The following CRYL1 variants were observed in gnomAD, a reference collection of about 807,000 sequenced individuals.
CRYL1 encodes crystallin lambda 1.
Under a neutral mutation model 36.6 loss-of-function variants are expected in CRYL1, and 29 were observed. The ratio of observed to expected loss-of-function variants is 0.79; its 90% confidence interval spans 0.59 to 1.08. The LOEUF (loss-of-function observed/expected upper bound fraction) is 1.08, where lower values mean the gene tolerates loss of function less well. Ranked by LOEUF, CRYL1 falls within the 50% of genes least tolerant of loss-of-function variation. The pLI is 0.00. For synonymous variants in CRYL1, 152 were observed against 151.5 expected (o/e 1.00, Z -0.02); for missense variants, 411 against 407.9 (o/e 1.01, Z -0.06).
chr13:20,498,072 C>T (rs1275235008), intron 2 of CRYL1, among the ~76,000 whole-genome samples: 1 of 151,332 alleles, frequency 6.6e-6, no homozygotes, highest in Non-Finnish European at 1.5e-5. Context: ...ATACACACTA[C>T]ACACACACCA....
At chr13:20,451,613 A>G (rs1019066145) in intron 3 of CRYL1, among the ~76,000 whole-genome samples, 4 of 152,244 alleles carry the variant, frequency 2.6e-5, no homozygotes, top group Admixed American at 6.5e-5. Flanking sequence ...CAAAGTGGCT[A>G]TTACTAAAGT....
Position 20,404,668 on chromosome 13 carries a change from C to G in CRYL1, c.813G>C (p.Glu271Asp), listed in dbSNP as rs759134464. The change falls in exon 7 of 8, where the codon GAG becomes GAC. Residue 271 changes from glutamate to aspartate, a missense_variant. Transcript: ENST00000298248. ...CCTTCTCAGCAGTGGCCCTGGAAAA[C>G]TCTGGAATGGGTCCAAAAGTCTGTA... Reference protein sequence around the residue: ...HVLQTFGPIPEFSRATAEKVN... With the variant: ...HVLQTFGPIPDFSRATAEKVN... The G allele has an allele frequency of 6.2e-7, 1 of 1,613,970 alleles. No homozygotes were observed. Among genetic ancestry groups the G allele is most frequent in the African/African-American group, 1.3e-5 (1 of 75,046 alleles).
intron 3 of CRYL1, among the ~76,000 whole-genome samples, chr13:20,467,242 C>T (rs1342203263): frequency 6.6e-6 from 1 of 152,056 alleles, no homozygotes; most frequent in Non-Finnish European, 1.5e-5. Context: ...CCACCACCCC[C>T]GGCCCATACA....
intron 2 of CRYL1, among the ~76,000 whole-genome samples, chr13:20,500,418 A>G (rs534160686): frequency 1.6e-3 from 48 of 30,958 alleles, no homozygotes; most frequent in African/African-American, 1.8e-3. Flanking sequence ...AATGGGACAC[A>G]GTTGAAGGAA....
intron 5 of CRYL1, among the ~76,000 whole-genome samples, chr13:20,417,463 C>T (rs2031699518): frequency 6.6e-6 from 1 of 152,136 alleles, no homozygotes; most frequent in Non-Finnish European, 1.5e-5. Context: ...GTTCTGTTAA[C>T]ATTGATCAGT....
At chr13:20,418,143 G>C (rs1375979884) in intron 5 of CRYL1, among the ~76,000 whole-genome samples, 4 of 152,142 alleles carry the variant, frequency 2.6e-5, no homozygotes, top group African/African-American at 9.7e-5. Context: ...AGCCCACCCA[G>C]ACTATGGAGA....
chr13:20,489,966 C>T (rs1163190472), intron 2 of CRYL1, among the ~76,000 whole-genome samples: 1 of 152,108 alleles, frequency 6.6e-6, no homozygotes, highest in Non-Finnish European at 1.5e-5. Flanking sequence ...CAGCAGTAAA[C>T]AGGAAGAAAA....
intron 2 of CRYL1, among the ~76,000 whole-genome samples, chr13:20,492,694 T>C (rs149907242): frequency 1.7e-4 from 26 of 152,326 alleles, no homozygotes; most frequent in African/African-American, 6.3e-4. Flanking sequence ...TTGCCATTCT[T>C]AATTCAATTA....
At chr13:20,524,646 G>C (rs1423722415) in intron 1 of CRYL1, among the ~76,000 whole-genome samples, 1 of 151,904 alleles carries the variant, frequency 6.6e-6, no homozygotes, top group African/African-American at 2.4e-5. Context: ...CAACGTGCTG[G>C]GATTACAGGG....
chr13:20,463,461 C>T (rs762683722), intron 3 of CRYL1, among the ~76,000 whole-genome samples: 11 of 152,166 alleles, frequency 7.2e-5, no homozygotes, highest in Non-Finnish European at 1.3e-4. Context: ...GGAAGCCAAC[C>T]AGCATAACAG....
intron 2 of CRYL1, among the ~76,000 whole-genome samples, chr13:20,503,383 G>A (rs751679383): frequency 2.0e-5 from 3 of 152,192 alleles, no homozygotes; most frequent in African/African-American, 4.8e-5. Context: ...TGGGTTGTCT[G>A]GGGGCTGGTC....
chr13:20,515,279 TG>T (rs2033981232), intron 1 of CRYL1, among the ~76,000 whole-genome samples: 1 of 152,154 alleles, frequency 6.6e-6, no homozygotes, highest in African/African-American at 2.4e-5. Context: ...CACAACCTTG[TG>T]AATATACTAA....
chr13:20,451,148 A>G (rs1056550818), intron 3 of CRYL1, among the ~76,000 whole-genome samples: 1 of 152,116 alleles, frequency 6.6e-6, no homozygotes, highest in Non-Finnish European at 1.5e-5. Flanking sequence ...AACATGGCAC[A>G]TGTATACATA....
Position 20,481,605 on chromosome 13 carries a change from G to C in CRYL1, c.276+7765C>G, listed in dbSNP as rs1246484872. ...ATATCTTTGTAAACCTGATTTTACAGTTTTTAAAGAAAAAAACACGTATGG... is the reference window on the plus strand; with the variant it reads ...ATATCTTTGTAAACCTGATTTTACACTTTTTAAAGAAAAAAACACGTATGG... On this transcript the variant is annotated intron_variant, in intron 3 of 7. Transcript: ENST00000298248. This position sits in a 1 kb window ranked among gnomAD's most constrained non-coding sequence, Gnocchi z 4.1. 2.6e-5 allele frequency among the ~76,000 whole-genome samples: 4 copies of C among 152,094 alleles called. No homozygotes were observed. Among genetic ancestry groups the C allele is most frequent in the African/African-American group, 7.2e-5 (3 of 41,404 alleles).
intron 3 of CRYL1, among the ~76,000 whole-genome samples, chr13:20,467,217 G>T (rs1159086578): frequency 6.6e-6 from 1 of 151,982 alleles, no homozygotes; most frequent in Non-Finnish European, 1.5e-5. Context: ...AAAGTGCTGG[G>T]ATTACAGGCA....
At chr13:20,436,410 G>A (rs1414162836) in intron 4 of CRYL1, among the ~76,000 whole-genome samples, 2 of 152,216 alleles carry the variant, frequency 1.3e-5, no homozygotes, top group African/African-American at 4.8e-5. Flanking sequence ...AGACTGCAGT[G>A]CAACATGCAC....
In CRYL1 at chr13:20,435,175, C is replaced by T. The variant is rs1014264028; in HGVS notation, c.439-2879G>A. Among the ~76,000 whole-genome samples the T allele has an allele frequency of 6.6e-6, 1 of 152,176 alleles. No homozygotes were observed. The highest frequency in any genetic ancestry group is 1.5e-5 in the Non-Finnish European group (1 of 68,040). On this transcript the variant is annotated intron_variant, in intron 4 of 7. Coordinates refer to ENST00000298248, the MANE Select transcript of CRYL1 (RefSeq NM_015974.3). The surrounding 1 kb of genome is among the most constrained non-coding windows in gnomAD (Gnocchi z 4.0). ...ACACCAGTGAGAATGTCCTTAATGC[C>T]TCCAAACTGCACACTTACAAATAGT... is the stretch of plus-strand genomic sequence containing the variant.
In CRYL1 at chr13:20,525,690, G is replaced by C. The variant is rs992198133; in HGVS notation, c.41+64C>G. The C allele has an allele frequency of 2.3e-5, 30 of 1,287,922 alleles. No homozygotes were observed. The highest frequency in any genetic ancestry group is 2.9e-5 in the Non-Finnish European group (29 of 1,005,960). The allele number at this position is 1,287,922 out of a possible 1,614,324, so 79.8% of individuals were successfully genotyped here. On this transcript the variant is annotated intron_variant, in intron 1 of 7. Transcript: ENST00000298248. This position sits in a 1 kb window ranked among gnomAD's most constrained non-coding sequence, Gnocchi z 4.3. ...CGCCCACCCCGAGGGCCCCACGCGA[G>C]GGCACCACGTCCCCGGCGTCTCCCC...
Position 20,447,873 on chromosome 13 carries a change from A to C in CRYL1, c.277-8119T>G, listed in dbSNP as rs111943264. ...AATGCTTGCCAATTCACAGACATAAAAACTGTTTGCCTCAGTATCTACTCT... is the reference window on the plus strand; with the variant it reads ...AATGCTTGCCAATTCACAGACATAACAACTGTTTGCCTCAGTATCTACTCT... On this transcript the variant is annotated intron_variant, in intron 3 of 7. Coordinates refer to ENST00000298248, the MANE Select transcript of CRYL1 (RefSeq NM_015974.3). Among the ~76,000 whole-genome samples, 537 of 152,352 alleles carry C rather than the reference A, an allele frequency of 3.5e-3. 5 individuals carry two copies. The highest frequency in any genetic ancestry group is 0.012 in the African/African-American group (485 of 41,578).
Sources: allele counts gnomAD v4.1 joint callset (sites outside exome capture counted in the v4.1 genomes callset), GRCh38; gene constraint gnomAD v4.1.1; non-coding constraint Gnocchi (gnomAD v3.1); transcripts MANE v1.5; gene names NCBI Gene and HGNC (gene_info 2026-07-23, HGNC 2026-07-21).